BIVM: variants seen among roughly 807,000 people sequenced by gnomAD.
BIVM encodes basic immunoglobulin-like variable motif-containing protein.
BIVM carries 31 observed loss-of-function variants against 61.4 expected under a neutral mutation model. That is an observed-to-expected ratio of 0.51 (90% CI 0.38 to 0.68). BIVM has a LOEUF of 0.68. BIVM is among the 30% of genes least tolerant of loss of function. The probability of loss-of-function intolerance (pLI) is 0.00; values close to 1 mark genes in which losing one functional copy is unlikely to be tolerated. For synonymous variants in BIVM, 189 were observed against 210.7 expected, an observed-to-expected ratio of 0.90 and a Z score of 0.89; for missense variants, 526 against 596.0, an observed-to-expected ratio of 0.88 and a Z score of 1.22.
At chr13:102,835,521 A>G (rs1881405954) in intron 9 of BIVM, among the ~76,000 whole-genome samples, 2 of 151,802 alleles carry the variant, frequency 1.3e-5, no homozygotes, top group African/African-American at 4.8e-5. Context: ...GGATTTGCCT[A>G]TTCTTGTTTG....
In BIVM at chr13:102,840,098, TC is replaced by T; in HGVS notation, c.*234del. On this transcript the variant is annotated 3_prime_UTR_variant, in exon 11 of 11. Transcript: ENST00000257336. Reference sequence around the variant, plus strand: ...GTCCTTTCAAGTTAAGAGTATATAATCTGGACAGAAAATTTCACAAAATTCA... The same window carrying T: ...GTCCTTTCAAGTTAAGAGTATATAATTGGACAGAAAATTTCACAAAATTCA... The T allele has an allele frequency of 2.5e-6, 1 of 393,432 alleles. No individual in the cohort carries two copies. Among genetic ancestry groups the T allele is most frequent in the Non-Finnish European group, 4.4e-6 (1 of 225,192 alleles). The allele number at this position is 393,432 out of a possible 1,614,324, so 24.4% of individuals were successfully genotyped here. A position where few individuals can be genotyped will look rare whatever the true frequency, so the allele number is the denominator to read the frequency against.
At chr13:102,819,365 T>A (rs60099521) in intron 4 of BIVM, among the ~76,000 whole-genome samples, 52,982 of 152,120 alleles carry the variant, frequency 0.35, 9,367 homozygotes, top group African/African-American at 0.42. Context: ...AATTTGATGT[T>A]GTATGTTTTT....
chr13:102,807,816 G>A lies in BIVM; in HGVS notation c.478+71G>A. ...CAAACACTATGTCTTGTTTAATCTT[G>A]CCATTACACATAGTTTCCTTGTATA... On this transcript the variant is annotated intron_variant, in intron 3 of 10. Coordinates refer to ENST00000257336, the MANE Select transcript of BIVM (RefSeq NM_017693.4). This position sits in a 1 kb window ranked among gnomAD's most constrained non-coding sequence, Gnocchi z 4.0. 7.0e-7 allele frequency: 1 copy of A among 1,436,438 alleles called. No homozygotes were observed. The highest frequency in any genetic ancestry group is 1.4e-5 in the South Asian group (1 of 73,578). The allele number at this position is 1,436,438 out of a possible 1,614,324, so 89.0% of individuals were successfully genotyped here.
chr13:102,817,412 A>G (rs990443234), intron 4 of BIVM, among the ~76,000 whole-genome samples: 1 of 152,190 alleles, frequency 6.6e-6, no homozygotes, highest in Non-Finnish European at 1.5e-5. Context: ...AAGGTTTCAC[A>G]TCAGAAGGCA....
chr13:102,803,105 T>C (rs1156379649), intron 1 of BIVM, among the ~76,000 whole-genome samples: 2 of 151,018 alleles, frequency 1.3e-5, no homozygotes, highest in Non-Finnish European at 2.9e-5. Flanking sequence ...GGAGGATTGC[T>C]TGAAGCCAAG....
At position 102,840,244 on chromosome 13, in the gene BIVM, A is replaced by G. The variant is rs1248205996; in HGVS notation, c.*379A>G. ...GACTCGATCCCTAGACATTTGTTAC[A>G]GATAGTTTTATGCCTAAGACCAAGA... On this transcript the variant is annotated 3_prime_UTR_variant, in exon 11 of 11. Transcript: ENST00000257336. The G allele has an allele frequency of 6.1e-6, 1 of 163,790 alleles. No individual in the cohort carries two copies. Among genetic ancestry groups the G allele is most frequent in the Non-Finnish European group, 1.3e-5 (1 of 75,978 alleles). The allele number at this position is 163,790 out of a possible 1,614,324, so 10.1% of individuals were successfully genotyped here.
At chr13:102,804,506 G>T (rs1821733157) in intron 1 of BIVM, among the ~76,000 whole-genome samples, 1 of 152,164 alleles carries the variant, frequency 6.6e-6, no homozygotes, top group Admixed American at 6.5e-5. Context: ...TAGAGACAGG[G>T]TTTCACCCTG....
chr13:102,833,355 C>A (rs1881252782), intron 8 of BIVM, among the ~76,000 whole-genome samples: 1 of 29,132 alleles, frequency 3.4e-5, no homozygotes. Flanking sequence ...TGAGACAAGG[C>A]CTTGCTGTGT....
intron 1 of BIVM, among the ~76,000 whole-genome samples, chr13:102,803,015 A>G (rs1210867525): frequency 2.6e-5 from 4 of 151,908 alleles, no homozygotes; most frequent in South Asian, 2.1e-4. Flanking sequence ...CCCTTTGCCT[A>G]TGTTTTTGAT....
rs1880226567 is a variant in BIVM, at chr13:102,820,918, T to A, written c.606-119T>A. 3 of 862,150 alleles carry A rather than the reference T, an allele frequency of 3.5e-6. No homozygotes were observed. The East Asian group carries it at 7.9e-5, about 23-fold the overall frequency. The allele number at this position is 862,150 out of a possible 1,614,324, so 53.4% of individuals were successfully genotyped here. On this transcript the variant is annotated intron_variant, in intron 4 of 10. Coordinates refer to ENST00000257336, the MANE Select transcript of BIVM (RefSeq NM_017693.4). ...TAAGTGAATATGGAAGATTTTACATTGACTTAGGGGATCAAAGTTTTCATT... is the reference window on the plus strand; with the variant it reads ...TAAGTGAATATGGAAGATTTTACATAGACTTAGGGGATCAAAGTTTTCATT...
At chr13:102,822,638 ATAG>A (rs1213248939) in intron 7 of BIVM, among the ~76,000 whole-genome samples, 3 of 152,254 alleles carry the variant, frequency 2.0e-5, no homozygotes, top group African/African-American at 7.2e-5. Context: ...CTGCTATAAA[ATAG>A]TCTTGTTTAT....
chr13:102,800,117 C>A (rs958355442), intron 1 of BIVM, among the ~76,000 whole-genome samples: 1 of 152,222 alleles, frequency 6.6e-6, no homozygotes, highest in Non-Finnish European at 1.5e-5. Context: ...GGGCCTGGTT[C>A]GGCGCCAGGA....
At chr13:102,809,640 T>C (rs1879340238) in intron 3 of BIVM, among the ~76,000 whole-genome samples, 1 of 152,234 alleles carries the variant, frequency 6.6e-6, no homozygotes, top group Admixed American at 6.5e-5. Context: ...TTAATTTCTT[T>C]TTTAAAAACT....
At chr13:102,816,093 T>C (rs1879851309) in intron 3 of BIVM, among the ~76,000 whole-genome samples, 1 of 152,242 alleles carries the variant, frequency 6.6e-6, no homozygotes, top group Non-Finnish European at 1.5e-5. Flanking sequence ...GCTAAAGATT[T>C]AGTGATTGAC....
At chr13:102,834,594 T>C in intron 9 of BIVM, 42 bp downstream of exon 9, 1 of 1,530,818 alleles carries the variant, frequency 6.5e-7, no homozygotes, top group African/African-American at 1.4e-5. Context: ...GAGGTAACAT[T>C]TAGATACAGT....
At chr13:102,816,188 T>A (rs1879856893) in intron 3 of BIVM, among the ~76,000 whole-genome samples, 1 of 152,214 alleles carries the variant, frequency 6.6e-6, no homozygotes, top group Non-Finnish European at 1.5e-5. Context: ...TAAATTTGTT[T>A]TTATTATTTC....
At chr13:102,810,569 C>T (rs1397057684) in intron 3 of BIVM, among the ~76,000 whole-genome samples, 8 of 152,178 alleles carry the variant, frequency 5.3e-5, no homozygotes, top group Non-Finnish European at 1.0e-4. Flanking sequence ...TATACTGCTT[C>T]GTCCACACTT....
At chr13:102,814,021 G>A (rs1879687738) in intron 3 of BIVM, among the ~76,000 whole-genome samples, 1 of 151,998 alleles carries the variant, frequency 6.6e-6, no homozygotes, top group African/African-American at 2.4e-5. Flanking sequence ...GCTTTTGTTT[G>A]CTCTTCTCAT....
At chr13:102,817,689 T>C (rs1019019361) in intron 4 of BIVM, among the ~76,000 whole-genome samples, 5 of 152,060 alleles carry the variant, frequency 3.3e-5, no homozygotes, top group African/African-American at 9.7e-5. Context: ...ATTCCAATTT[T>C]TTTTTTTTTT....
Sources: allele counts gnomAD v4.1 joint callset (sites outside exome capture counted in the v4.1 genomes callset), GRCh38; gene constraint gnomAD v4.1.1; non-coding constraint Gnocchi (gnomAD v3.1); transcripts MANE v1.5; gene names NCBI Gene and HGNC (gene_info 2026-07-23, HGNC 2026-07-21).